The following CHGB variants were observed in gnomAD, a reference collection of about 807,000 sequenced individuals.
CHGB encodes chromogranin B.
In CHGB, 46 loss-of-function variants were observed where a neutral mutation model predicts 69.9. The observed-to-expected ratio is 0.66, with a 90% CI of 0.52 to 0.84. CHGB has a LOEUF of 0.84. Among genes scored for constraint, CHGB ranks in the 40% least tolerant of loss-of-function variants. CHGB has a pLI of 0.00. For missense variants in CHGB, 796 were observed against 822.2 expected (o/e 0.97, Z 0.39); for synonymous variants, 312 against 298.2 (o/e 1.05, Z -0.48).
chr20:5,918,296 C>T (rs1353113262), intron 3 of CHGB, among the ~76,000 whole-genome samples: 1 of 151,754 alleles, frequency 6.6e-6, no homozygotes, highest in Non-Finnish European at 1.5e-5. Context: ...GCAGGAGAAT[C>T]GCTAGAACCT....
In CHGB at chr20:5,923,945, T is replaced by C; in HGVS notation, c.1801T>C (p.Tyr601His). 1.2e-6 allele frequency: 2 copies of C among 1,613,936 alleles called. No homozygotes were observed. Among genetic ancestry groups the C allele is most frequent in the African/African-American group, 1.3e-5 (1 of 74,942 alleles). Residue 601 changes from tyrosine (Y) to histidine (H), a missense_variant, in exon 4 of 5, where the codon TAT (tyrosine) becomes CAT (histidine). Physicochemically the swap from Tyr to His is moderately conservative, Grantham distance 83. This residue lies in a region of CHGB where 274 missense variants were observed against 298.9 expected (regional missense o/e 0.92). Transcript: ENST00000378961. ...CCCCAAGCTGGACCTGAAAAGGCAA[T>C]ATGACAGGGTGGCCCAACTGGACCA... ...RVPKLDLKRQ[Y>H]DRVAQLDQLL...
At chr20:5,915,743 G>A (rs1307298965) in intron 1 of CHGB, 1 of 151,322 alleles carries the variant, frequency 6.6e-6, no homozygotes, top group Non-Finnish European at 1.5e-5. Context: ...TTTTTTTTGA[G>A]ACGGAGTCTG....
intron 1 of CHGB, chr20:5,915,618 T>C (rs1340207466): frequency 1.3e-5 from 2 of 152,212 alleles, no homozygotes; most frequent in African/African-American, 2.4e-5. Context: ...GAGGATATAT[T>C]TTTGGAAACA....
rs1384648947 is a variant in CHGB, at chr20:5,925,137, C to G, written c.*88C>G. The G allele has an allele frequency of 1.7e-5, 13 of 784,618 alleles. No individual in the cohort carries two copies. The Admixed American group carries it at 3.0e-4, about 18-fold the overall frequency. 48.6% of individuals were successfully genotyped at this position (784,618 alleles called of 1,614,324 possible). A position where few individuals can be genotyped will look rare whatever the true frequency, so the allele number is the denominator to read the frequency against. The stretch of plus-strand genomic sequence containing the variant: ...TCACTGAAAGACACCATTTATCTAC[C>G]CAAGGGCAGAAAGTAGAACTTACTA... On this transcript the variant is annotated 3_prime_UTR_variant, in exon 5 of 5. Coordinates refer to ENST00000378961, the MANE Select transcript of CHGB (RefSeq NM_001819.3).
chr20:5,923,268 C>T lies in CHGB; in HGVS notation c.1124C>T (p.Pro375Leu). The T allele has an allele frequency of 6.2e-7, 1 of 1,613,762 alleles. No homozygotes were observed. Among genetic ancestry groups the T allele is most frequent in the African/African-American group, 1.3e-5 (1 of 75,024 alleles). ...AGTGAAGAATACAGGGCTCCAAGAC[C>T]TCAGAGTGAGGAGAGTTGGGATGAG... is the stretch of plus-strand genomic sequence containing the variant. ...RGSEEYRAPR[P>L]QSEESWDEED... Residue 375 changes from proline (P) to leucine (L), a missense_variant, in exon 4 of 5, where the codon CCT becomes CTT. Coordinates refer to ENST00000378961, the MANE Select transcript of CHGB (RefSeq NM_001819.3).
At position 5,911,682 on chromosome 20, in the gene CHGB, G is replaced by A. The variant is rs1421518764; in HGVS notation, c.49G>A (p.Ala17Thr). 1.4e-6 allele frequency: 2 copies of A among 1,468,466 alleles called. No individual in the cohort carries two copies. Among genetic ancestry groups the A allele is most frequent in the Non-Finnish European group, 1.8e-6 (2 of 1,115,666 alleles). 91.0% of individuals were successfully genotyped at this position (1,468,466 alleles called of 1,614,324 possible). The stretch of plus-strand genomic sequence containing the variant: ...CCTCCTGGGAGCCGTGGGGCTGGCG[G>A]GTGAGTGGGCGCGGCGGGCCGGTCA... ...LSLLGAVGLA[A>T]VNSMPVDNRN... Residue 17 changes from alanine (A) to threonine (T), a missense_variant and splice_region_variant, in exon 1 of 5, where the codon GCT (alanine) becomes ACT (threonine). Ala to Thr is a moderately conservative substitution (Grantham distance 58). This residue lies in a region of CHGB where 518 missense variants were observed against 506.3 expected (regional missense o/e 1.02). Coordinates refer to ENST00000378961, the MANE Select transcript of CHGB (RefSeq NM_001819.3).
chr20:5,920,621 G>T (rs191193807), intron 3 of CHGB, among the ~76,000 whole-genome samples: 114 of 152,254 alleles, frequency 7.5e-4, no homozygotes, highest in Admixed American at 3.5e-3. Context: ...ACCTCTCAGA[G>T]GCCCCCACCT....
intron 3 of CHGB, among the ~76,000 whole-genome samples, chr20:5,919,293 C>T (rs1272073306): frequency 3.9e-5 from 6 of 152,114 alleles, no homozygotes; most frequent in African/African-American, 7.2e-5. Flanking sequence ...TTGAGAGAGA[C>T]GTAGGGAAAC....
Position 5,921,276 on chromosome 20 carries a change from T to C in CHGB, c.191-1059T>C, listed in dbSNP as rs999953969. ...AAGTCTGATGTGTATCTTACATATATAGCATGTCCCAGATCGGACCAGCCA... is the reference window on the plus strand; with the variant it reads ...AAGTCTGATGTGTATCTTACATATACAGCATGTCCCAGATCGGACCAGCCA... On this transcript the variant is annotated intron_variant, in intron 3 of 4. Transcript: ENST00000378961. Among the ~76,000 whole-genome samples, 6 of 152,324 alleles carry C rather than the reference T, an allele frequency of 3.9e-5. No homozygotes were observed. In the South Asian group the frequency reaches 1.2e-3, roughly 32 times the overall value.
In CHGB at chr20:5,911,581, T is replaced by G. The variant is rs2088446514; in HGVS notation, c.-53T>G. On this transcript the variant is annotated 5_prime_UTR_variant, in exon 1 of 5. Coordinates refer to ENST00000378961, the MANE Select transcript of CHGB (RefSeq NM_001819.3). The stretch of plus-strand genomic sequence containing the variant: ...TCGCGCCTTCCTCCTGCGCCTCGCT[T>G]CTCCGGTCCAGCCGCCATCTTCCTT... 1.1e-5 allele frequency: 16 copies of G among 1,511,644 alleles called. No homozygotes were observed. In the South Asian group the frequency reaches 1.8e-4, roughly 17 times the overall value. 93.6% of individuals were successfully genotyped at this position (1,511,644 alleles called of 1,614,324 possible). A position where few individuals can be genotyped will look rare whatever the true frequency, so the allele number is the denominator to read the frequency against.
chr20:5,913,971 T>G (rs1568549232), intron 1 of CHGB, among the ~76,000 whole-genome samples: 1 of 152,158 alleles, frequency 6.6e-6, no homozygotes. Context: ...TTATTTAACT[T>G]ATTTTACAGT....
rs1173232449 is a variant in CHGB, at chr20:5,924,057, A to G, written c.1913A>G (p.Asn638Ser). The G allele has an allele frequency of 4.3e-6, 7 of 1,613,500 alleles. No homozygotes were observed. Among genetic ancestry groups the G allele is most frequent in the Middle Eastern group, 1.7e-4 (1 of 6,050 alleles). Reference protein sequence around the residue: ...EPVSTHQEAENEKDRADQTVL... With the variant: ...EPVSTHQEAESEKDRADQTVL... Reference sequence around the variant, plus strand: ...GTGAGCACCCACCAGGAGGCAGAAAATGAAAAGGACAGGGCTGACCAGACA... The same window carrying G: ...GTGAGCACCCACCAGGAGGCAGAAAGTGAAAAGGACAGGGCTGACCAGACA... The change falls in exon 4 of 5, where the codon AAT becomes AGT. Residue 638 changes from asparagine to serine, a missense_variant. By Grantham distance (46) the Asn-to-Ser change is conservative (BLOSUM62 1). Around this residue, in one of 3 missense-constraint regions of CHGB, gnomAD observed 274 missense variants for 298.9 expected, o/e 0.92. Transcript: ENST00000378961.
intron 3 of CHGB, among the ~76,000 whole-genome samples, chr20:5,919,166 G>A (rs962619044): frequency 6.6e-6 from 1 of 152,216 alleles, no homozygotes; most frequent in African/African-American, 2.4e-5. Flanking sequence ...AAGAACCACA[G>A]TTGCTTAGGA....
At position 5,923,509 on chromosome 20, in the gene CHGB, G is replaced by A. The variant is rs757302423; in HGVS notation, c.1365G>A (p.Lys455=). The A allele has an allele frequency of 4.6e-5, 74 of 1,614,022 alleles. No individual in the cohort carries two copies. Among genetic ancestry groups the A allele is most frequent in the South Asian group, 2.0e-4 (18 of 91,090 alleles). The change falls in exon 4 of 5, where the codon AAG becomes AAA. Residue 455 remains lysine, a synonymous_variant. Coordinates refer to ENST00000378961, the MANE Select transcript of CHGB (RefSeq NM_001819.3). The stretch of plus-strand genomic sequence containing the variant: ...GTGTCCAAGAAAACCAGATGGACAA[G>A]GCAAGGAGGCATCCACAAGGTGCGT... ...HHRVQENQMD[K]ARRHPQGAWK...
At chr20:5,912,589 A>T (rs570871521) in intron 1 of CHGB, among the ~76,000 whole-genome samples, 242 of 152,240 alleles carry the variant, frequency 1.6e-3, no homozygotes, top group African/African-American at 5.7e-3. Flanking sequence ...AATCTTTCAA[A>T]CTACCCTGAA....
chr20:5,921,526 T>C (rs1238304208), intron 3 of CHGB, among the ~76,000 whole-genome samples: 1 of 152,244 alleles, frequency 6.6e-6, no homozygotes, highest in African/African-American at 2.4e-5. Context: ...TTGGAAAAGA[T>C]GGACGAGAAC....
At chr20:5,914,436 T>C (rs1600210743) in intron 1 of CHGB, among the ~76,000 whole-genome samples, 1 of 152,310 alleles carries the variant, frequency 6.6e-6, no homozygotes, top group South Asian at 2.1e-4. Flanking sequence ...AAAATCTTTC[T>C]CTGCCCCCAA....
At chr20:5,912,559 G>T (rs1352799213) in intron 1 of CHGB, among the ~76,000 whole-genome samples, 1 of 152,038 alleles carries the variant, frequency 6.6e-6, no homozygotes. Flanking sequence ...TTTCCCTTTT[G>T]TAGGGAAGAT....
rs567433214 is a variant in CHGB at position 5,922,526 on chromosome 20, G to A, written c.382G>A (p.Gly128Arg). The A allele has an allele frequency of 2.0e-5, 32 of 1,612,586 alleles. No homozygotes were observed. Among genetic ancestry groups the A allele is most frequent in the African/African-American group, 2.7e-5 (2 of 74,946 alleles). ...CACAGAGAAATGGGCAGAGGGAGGC[G>A]GGCACAGCCGAGAGCGAGCGGATGA... ...ADTEKWAEGG[G>R]HSRERADEPQ... The change falls in exon 4 of 5, where the codon GGG (glycine) becomes AGG (arginine). Residue 128 changes from glycine to arginine, a missense_variant. Physicochemically the swap from Gly to Arg is moderately radical, Grantham distance 125 (BLOSUM62 -2). Transcript: ENST00000378961.
Sources: gnomAD v4.1 joint callset for allele counts (sites outside exome capture counted in the v4.1 genomes callset) on GRCh38, gnomAD v4.1.1 for gene constraint, gnomAD v4.1.1 regional missense constraint, MANE v1.5 for transcripts, NCBI Gene and HGNC (gene_info 2026-07-23, HGNC 2026-07-21) for gene names.